The following MCCC2 variants were observed in gnomAD, a reference collection of about 807,000 sequenced individuals.
The protein encoded by MCCC2 is methylcrotonyl-CoA carboxylase subunit 2.
In MCCC2, 52 loss-of-function variants were observed where a neutral mutation model predicts 77.2. That is an observed-to-expected ratio of 0.67 (90% CI 0.54 to 0.85). The LOEUF (loss-of-function observed/expected upper bound fraction) is 0.85, where lower values mean the gene tolerates loss of function less well. Ranked by LOEUF, MCCC2 falls within the 40% of genes least tolerant of loss-of-function variation. The probability of loss-of-function intolerance (pLI) is 0.00; values close to 1 mark genes in which losing one functional copy is unlikely to be tolerated. For synonymous variants in MCCC2, 253 were observed against 248.4 expected (o/e 1.02, Z -0.18); for missense variants, 682 against 703.2 (o/e 0.97, Z 0.34).
intron 1 of MCCC2, chr5:71,592,724 G>A: frequency 1.6e-6 from 1 of 623,002 alleles, no homozygotes; most frequent in Non-Finnish European, 2.9e-6. Context: ...GTGAAGAAGA[G>A]CTTGAACAAG....
In MCCC2 at chr5:71,597,933, G is replaced by A. The variant is rs532793612; in HGVS notation, c.281+1569G>A. Among the ~76,000 whole-genome samples, 7 of 152,286 alleles carry A rather than the reference G, an allele frequency of 4.6e-5. No individual in the cohort carries two copies. In the South Asian group the frequency reaches 1.2e-3, roughly 27 times the overall value. On this transcript the variant is annotated intron_variant, in intron 3 of 16. Transcript: ENST00000340941. Reference sequence around the variant, plus strand: ...GGGCAAGATTGCTTATGAAGCTCCCGGCTCTGCCCCTTACTTACTGTGTAA... The same window carrying A: ...GGGCAAGATTGCTTATGAAGCTCCCAGCTCTGCCCCTTACTTACTGTGTAA...
At chr5:71,592,050 A>T (rs1214786196) in intron 1 of MCCC2, among the ~76,000 whole-genome samples, 1 of 152,162 alleles carries the variant, frequency 6.6e-6, no homozygotes, top group Non-Finnish European at 1.5e-5. Context: ...TAACAGACAT[A>T]AGCCACCACA....
chr5:71,610,338 C>T (rs1212599114), intron 6 of MCCC2, among the ~76,000 whole-genome samples: 2 of 151,978 alleles, frequency 1.3e-5, no homozygotes, highest in African/African-American at 4.8e-5. Context: ...TTTCCAGGTG[C>T]GTCCGTCACC....
intron 3 of MCCC2, among the ~76,000 whole-genome samples, chr5:71,598,197 G>A (rs1345173255): frequency 2.0e-5 from 3 of 149,856 alleles, no homozygotes; most frequent in South Asian, 2.1e-4. Context: ...TCAGCCTCCC[G>A]AGTAGCTGGA....
At chr5:71,602,664 T>C (rs372965501) in intron 5 of MCCC2, 31 bp downstream of exon 5, 3 of 1,613,982 alleles carry the variant, frequency 1.9e-6, no homozygotes, top group Non-Finnish European at 2.5e-6. Flanking sequence ...AATAAACTAT[T>C]ATTAGCTGGT....
At chr5:71,592,855 G>A in intron 1 of MCCC2, 71 bp from the exon 2 acceptor site, 3 of 569,974 alleles carry the variant, frequency 5.3e-6, no homozygotes, top group East Asian at 3.9e-5. Flanking sequence ...TTTTTTTTTT[G>A]ACCTTTATTT....
chr5:71,650,297 C>T, intron 15 of MCCC2, 114 bp downstream of exon 15: 1 of 778,162 alleles, frequency 1.3e-6, no homozygotes, highest in Non-Finnish European at 2.3e-6. Context: ...GGACCTGGCG[C>T]ACACTGCCTG....
chr5:71,629,099 T>C (rs1019814275), intron 7 of MCCC2, among the ~76,000 whole-genome samples: 1 of 151,540 alleles, frequency 6.6e-6, no homozygotes, highest in Admixed American at 6.6e-5. Flanking sequence ...CCAGCTACTC[T>C]GGAGGCTGAG....
At chr5:71,612,726 T>G (rs1463025647) in intron 6 of MCCC2, among the ~76,000 whole-genome samples, 1 of 152,240 alleles carries the variant, frequency 6.6e-6, no homozygotes, top group Non-Finnish European at 1.5e-5. Context: ...TATCACAAAT[T>G]GAGTGGCTTA....
At chr5:71,633,091 T>TTTTATATATA (rs1172020093) in intron 8 of MCCC2, among the ~76,000 whole-genome samples, 12 of 84,260 alleles carry the variant, frequency 1.4e-4, no homozygotes, top group African/African-American at 6.1e-4. Flanking sequence ...TTTTTCAGTT[T>TTTTATATATA]TATATATATA....
intron 6 of MCCC2, among the ~76,000 whole-genome samples, chr5:71,622,890 A>G (rs1202584013): frequency 6.6e-6 from 1 of 152,190 alleles, no homozygotes; most frequent in Non-Finnish European, 1.5e-5. Flanking sequence ...GCGGATCATG[A>G]GGTCAGGAGA....
At chr5:71,622,401 TA>T (rs1460858842) in intron 6 of MCCC2, among the ~76,000 whole-genome samples, 1 of 152,236 alleles carries the variant, frequency 6.6e-6, no homozygotes, top group Non-Finnish European at 1.5e-5. Context: ...CCTTTGTACT[TA>T]TTTTTTTGAC....
At chr5:71,611,489 A>T (rs1009225492) in intron 6 of MCCC2, among the ~76,000 whole-genome samples, 14 of 152,212 alleles carry the variant, frequency 9.2e-5, no homozygotes, top group African/African-American at 3.4e-4. Flanking sequence ...TTCATGGGAG[A>T]TTAATAATAC....
chr5:71,596,804 G>A (rs1211956657), intron 3 of MCCC2, among the ~76,000 whole-genome samples: 4 of 152,062 alleles, frequency 2.6e-5, no homozygotes, highest in Admixed American at 6.6e-5. Context: ...GCTGGGCATG[G>A]TGGCATGTGC....
Position 71,646,210 on chromosome 5 carries a change from G to A in MCCC2, c.1150-1G>A. ...AAGATTTTTATGTTATTTGCTTATAGGGTACTCACTTTGTCCAGTTATGCT... is the reference window on the plus strand; with the variant it reads ...AAGATTTTTATGTTATTTGCTTATAAGGTACTCACTTTGTCCAGTTATGCT... On this transcript the variant is annotated splice_acceptor_variant, in intron 12 of 16. Coordinates refer to ENST00000340941, the MANE Select transcript of MCCC2 (RefSeq NM_022132.5). LOFTEE classifies it high-confidence loss of function. 3 of 1,612,956 alleles carry A rather than the reference G, an allele frequency of 1.9e-6. No homozygotes were observed. The highest frequency in any genetic ancestry group is 2.5e-6 in the Non-Finnish European group (3 of 1,179,156).
chr5:71,627,772 G>T (rs189822699), intron 7 of MCCC2, among the ~76,000 whole-genome samples: 1 of 151,430 alleles, frequency 6.6e-6, no homozygotes, highest in African/African-American at 2.4e-5. Flanking sequence ...GTGTGAGGTA[G>T]TACCTCATTT....
chr5:71,595,131 C>T (rs1314355970), intron 2 of MCCC2, among the ~76,000 whole-genome samples: 1 of 150,678 alleles, frequency 6.6e-6, no homozygotes, highest in Non-Finnish European at 1.5e-5. Flanking sequence ...AACTCCTGGC[C>T]TCAAGTGATC....
chr5:71,593,989 G>A (rs979958230), intron 2 of MCCC2, among the ~76,000 whole-genome samples: 1 of 152,068 alleles, frequency 6.6e-6, no homozygotes, highest in Non-Finnish European at 1.5e-5. Flanking sequence ...GGCTGGACTC[G>A]AAGTCGGGAG....
chr5:71,604,376 T>C lies in MCCC2; in HGVS notation c.532T>C (p.Leu178=). Residue 178 remains leucine (L), a synonymous_variant, in exon 6 of 17, where the codon TTA becomes CTA. Coordinates refer to ENST00000340941, the MANE Select transcript of MCCC2 (RefSeq NM_022132.5). ...TTCAGTTGATTCGGGAGGAGCATAC[T>C]TACCTCGACAAGCAGATGTGTTTCC... The part of the protein sequence containing the change: ...IYLVDSGGAY[L]PRQADVFPDR... 1 of 1,614,146 alleles carries C rather than the reference T, an allele frequency of 6.2e-7. No homozygotes were observed. Among genetic ancestry groups the C allele is most frequent in the East Asian group, 2.2e-5 (1 of 44,872 alleles).
Sources: gnomAD v4.1 joint callset for allele counts (sites outside exome capture counted in the v4.1 genomes callset) on GRCh38, gnomAD v4.1.1 for gene constraint, MANE v1.5 for transcripts, NCBI Gene and HGNC (gene_info 2026-07-23, HGNC 2026-07-21) for gene names.